The following TTC28 variants were observed in gnomAD, a reference collection of about 807,000 sequenced individuals.
TTC28 encodes the protein tetratricopeptide repeat domain 28, also known as tetratricopeptide repeat protein 28.
TTC28 carries 61 observed loss-of-function variants against 198.0 expected under a neutral mutation model. The observed-to-expected ratio is 0.31, with a 90% CI of 0.25 to 0.38. The LOEUF (loss-of-function observed/expected upper bound fraction) is 0.38. Among genes scored for constraint, TTC28 ranks in the 10% least tolerant of loss-of-function variants. TTC28 has a pLI of 1.00. For missense variants in TTC28, 2,678 were observed against 3,164.0 expected, an observed-to-expected ratio of 0.85 and a Z score of 3.69; for synonymous variants, 1,171 against 1,297.8, an observed-to-expected ratio of 0.90 and a Z score of 2.10.
At chr22:28,474,866 G>A (rs912149714) in intron 2 of TTC28, among the ~76,000 whole-genome samples, 1 of 151,838 alleles carries the variant, frequency 6.6e-6, no homozygotes, top group African/African-American at 2.4e-5. Context: ...TAAAAGGCAG[G>A]CACCAAAGCA....
At chr22:28,050,703 A>G (rs540952946) in intron 12 of TTC28, among the ~76,000 whole-genome samples, 2 of 152,054 alleles carry the variant, frequency 1.3e-5, no homozygotes, top group Non-Finnish European at 2.9e-5. Context: ...AAGCCAAATG[A>G]CCCCTTTAAC....
chr22:28,417,439 C>T (rs2047184968), intron 2 of TTC28, among the ~76,000 whole-genome samples: 1 of 151,794 alleles, frequency 6.6e-6, no homozygotes, highest in South Asian at 2.1e-4. Context: ...CATATCACTG[C>T]ACTCCAGCCT....
intron 2 of TTC28, among the ~76,000 whole-genome samples, chr22:28,450,557 C>T (rs561719306): frequency 1.3e-5 from 2 of 152,266 alleles, no homozygotes; most frequent in Admixed American, 6.5e-5. Flanking sequence ...ATATCCCATA[C>T]GTATGATAAT....
At chr22:28,371,156 G>A (rs1482185879) in intron 2 of TTC28, among the ~76,000 whole-genome samples, 2 of 152,150 alleles carry the variant, frequency 1.3e-5, no homozygotes, top group South Asian at 2.1e-4. Context: ...TTTTTTCACA[G>A]TGGGGTCACA....
chr22:27,989,193 G>A (rs994099266), intron 21 of TTC28, among the ~76,000 whole-genome samples: 1 of 152,032 alleles, frequency 6.6e-6, no homozygotes, highest in African/African-American at 2.4e-5. Context: ...GGTAAAAAAG[G>A]GAAATCGAGT....
At chr22:28,669,336 A>T (rs1186932433) in intron 1 of TTC28, among the ~76,000 whole-genome samples, 1 of 152,024 alleles carries the variant, frequency 6.6e-6, no homozygotes, top group Non-Finnish European at 1.5e-5. Flanking sequence ...GAAACTTCAC[A>T]TGGGGCCACA....
chr22:28,353,790 T>C (rs1161404543), intron 2 of TTC28, among the ~76,000 whole-genome samples: 2 of 152,136 alleles, frequency 1.3e-5, no homozygotes, highest in East Asian at 3.8e-4. Flanking sequence ...GATAAGAGAT[T>C]AATATCCAGA....
chr22:28,612,930 A>C (rs899811620), intron 2 of TTC28, among the ~76,000 whole-genome samples: 5 of 152,200 alleles, frequency 3.3e-5, no homozygotes, highest in Admixed American at 1.3e-4. Flanking sequence ...GAACTAGAGA[A>C]GCAAGAGCAA....
At chr22:28,211,843 A>G (rs956027408) in intron 5 of TTC28, among the ~76,000 whole-genome samples, 2 of 152,176 alleles carry the variant, frequency 1.3e-5, no homozygotes, top group South Asian at 2.1e-4. Flanking sequence ...TCTCAGCACC[A>G]TATCGCACTT....
intron 1 of TTC28, among the ~76,000 whole-genome samples, chr22:28,640,567 AAAT>A (rs139282856): frequency 3.0e-3 from 447 of 147,364 alleles, no homozygotes; most frequent in Non-Finnish European, 4.2e-3. Context: ...CAAACTGTTA[AAAT>A]AATAATAATA....
At chr22:28,204,007 C>T (rs898072617) in intron 5 of TTC28, among the ~76,000 whole-genome samples, 7 of 152,146 alleles carry the variant, frequency 4.6e-5, no homozygotes, top group African/African-American at 1.7e-4. Flanking sequence ...CTTATACCTA[C>T]CTCTGCCTGT....
Position 28,634,384 on chromosome 22 carries a change from C to A in TTC28, c.103-4554G>T, listed in dbSNP as rs565058260. 6.6e-5 allele frequency among the ~76,000 whole-genome samples: 10 copies of A among 151,924 alleles called. No homozygotes were observed. The South Asian group carries it at 2.1e-3, about 32-fold the overall frequency. Reference sequence around the variant, plus strand: ...AATTAGCTGGCCGTGGTGGCACGAGCCTGTAGTCTCAGCTACTCAGGAGGC... The same window carrying A: ...AATTAGCTGGCCGTGGTGGCACGAGACTGTAGTCTCAGCTACTCAGGAGGC... On this transcript the variant is annotated intron_variant, in intron 1 of 22. Transcript: ENST00000397906.
At chr22:28,328,039 T>C (rs550167072) in intron 2 of TTC28, among the ~76,000 whole-genome samples, 1 of 152,018 alleles carries the variant, frequency 6.6e-6, no homozygotes, top group Non-Finnish European at 1.5e-5. Flanking sequence ...AGACAGGGAG[T>C]AAACACACAG....
At chr22:28,526,120 C>G (rs2048999871) in intron 2 of TTC28, among the ~76,000 whole-genome samples, 1 of 152,200 alleles carries the variant, frequency 6.6e-6, no homozygotes, top group South Asian at 2.1e-4. Context: ...CAATCAAATA[C>G]TAGCTCTGCT....
chr22:28,377,729 A>C (rs1336811741), intron 2 of TTC28, among the ~76,000 whole-genome samples: 1 of 152,242 alleles, frequency 6.6e-6, no homozygotes, highest in Non-Finnish European at 1.5e-5. Context: ...ACTTAACAGC[A>C]ACAAAGCTCC....
At chr22:28,077,267 T>C (rs1305796577) in intron 12 of TTC28, among the ~76,000 whole-genome samples, 1 of 152,176 alleles carries the variant, frequency 6.6e-6, no homozygotes, top group Non-Finnish European at 1.5e-5. Flanking sequence ...ACACCTCAAG[T>C]GTAAAGGGTA....
At chr22:28,519,407 T>C (rs1233275311) in intron 2 of TTC28, among the ~76,000 whole-genome samples, 1 of 152,206 alleles carries the variant, frequency 6.6e-6, no homozygotes, top group Non-Finnish European at 1.5e-5. Flanking sequence ...GTTTGCAGGA[T>C]GGCAGATAAA....
At chr22:28,654,755 T>C (rs996311967) in intron 1 of TTC28, among the ~76,000 whole-genome samples, 4 of 152,196 alleles carry the variant, frequency 2.6e-5, no homozygotes, top group Non-Finnish European at 5.9e-5. Context: ...AGCAACTCCT[T>C]AGGTGGGAAG....
intron 14 of TTC28, among the ~76,000 whole-genome samples, chr22:28,004,842 A>G (rs1937870338): frequency 6.6e-6 from 1 of 152,188 alleles, no homozygotes; most frequent in South Asian, 2.1e-4. Context: ...AAAGCAAGCG[A>G]TATCTCTATT....
Sources: allele counts gnomAD v4.1 joint callset (sites outside exome capture counted in the v4.1 genomes callset), GRCh38; gene constraint gnomAD v4.1.1; transcripts MANE v1.5; gene names NCBI Gene and HGNC (gene_info 2026-07-23, HGNC 2026-07-21).